PZP: variants seen among roughly 807,000 people sequenced by gnomAD.
The protein encoded by PZP is pregnancy zone protein.
In PZP, 150 loss-of-function variants were observed where a neutral mutation model predicts 179.8. The observed-to-expected ratio is 0.83, with a 90% CI of 0.73 to 0.96. The LOEUF (loss-of-function observed/expected upper bound fraction) is 0.96. Among genes scored for constraint, PZP ranks in the 40% least tolerant of loss-of-function variants. The pLI is 0.00. For missense variants in PZP, 1,689 were observed against 1,764.0 expected (o/e 0.96, Z 0.76); for synonymous variants, 624 against 652.3 (o/e 0.96, Z 0.66).
intron 15 of PZP, among the ~76,000 whole-genome samples, chr12:9,177,414 C>T (rs1942461731): frequency 1.3e-5 from 2 of 152,152 alleles, no homozygotes; most frequent in African/African-American, 2.4e-5. Context: ...GCTTTGGCCG[C>T]CATGTTAATC....
At chr12:9,165,595 T>C (rs1391395212) in intron 18 of PZP, among the ~76,000 whole-genome samples, 1 of 152,198 alleles carries the variant, frequency 6.6e-6, no homozygotes, top group Non-Finnish European at 1.5e-5. Flanking sequence ...ATCCCACATG[T>C]CTGTACTTTG....
chr12:9,196,279 C>T lies in PZP; in HGVS notation c.1092+51G>A, dbSNP rs368677667. On this transcript the variant is annotated intron_variant, in intron 10 of 35. Transcript: ENST00000261336. ...GTGGGCTGCATCATTGTGTCCTGTG[C>T]TTAGGTGCAACTGGATACTTTGCTT... The T allele has an allele frequency of 4.6e-6, 6 of 1,307,138 alleles. No individual in the cohort carries two copies. In the African/African-American group the frequency reaches 8.7e-5, roughly 19 times the overall value. The allele number at this position is 1,307,138 out of a possible 1,614,324, so 81.0% of individuals were successfully genotyped here.
intron 17 of PZP, chr12:9,167,534 G>T (rs139223232): frequency 0.11 from 16,737 of 152,080 alleles, 1,061 homozygotes; most frequent in South Asian, 0.24. Flanking sequence ...GGTTCCTTCC[G>T]TTGCCCTCCC....
At chr12:9,159,669 T>C (rs1007424578) in intron 25 of PZP, among the ~76,000 whole-genome samples, 1 of 151,796 alleles carries the variant, frequency 6.6e-6, no homozygotes, top group Non-Finnish European at 1.5e-5. Flanking sequence ...GAGACCCAAG[T>C]GAGCCCATTC....
chr12:9,147,735 G>A (rs184702327), downstream of PZP, among the ~76,000 whole-genome samples: 54 of 152,160 alleles, frequency 3.5e-4, no homozygotes, highest in Middle Eastern at 0.01. Flanking sequence ...CTCCACTCTG[G>A]TATATCCACC....
chr12:9,161,130 C>G lies in PZP; in HGVS notation c.2789-14G>C. Reference sequence around the variant, plus strand: ...ACACATTAGCACCTTTAGAAACAGACAGCCCATGTTAAAGGAGGACATCTA... The same window carrying G: ...ACACATTAGCACCTTTAGAAACAGAGAGCCCATGTTAAAGGAGGACATCTA... On this transcript the variant is annotated splice_polypyrimidine_tract_variant and intron_variant, in intron 22 of 35. Transcript: ENST00000261336. 6.5e-7 allele frequency: 1 copy of G among 1,535,234 alleles called. No individual in the cohort carries two copies. Among genetic ancestry groups the G allele is most frequent in the Non-Finnish European group, 8.9e-7 (1 of 1,120,614 alleles).
chr12:9,168,717 G>C, intron 17 of PZP, 152 bp downstream of exon 17: 1 of 634,080 alleles, frequency 1.6e-6, no homozygotes, highest in Non-Finnish European at 2.7e-6. Flanking sequence ...GCTATCACCA[G>C]CTAAGTCACC....
chr12:9,144,989 T>A (rs1778054548), downstream of PZP, among the ~76,000 whole-genome samples: 1 of 152,252 alleles, frequency 6.6e-6, no homozygotes, highest in South Asian at 2.1e-4. Context: ...TCCTGCCCTG[T>A]CACCTACTCT....
chr12:9,197,074 T>C lies in PZP; in HGVS notation c.805A>G (p.Arg269Gly). 1.2e-6 allele frequency: 2 copies of C among 1,613,704 alleles called. No homozygotes were observed. The highest frequency in any genetic ancestry group is 1.7e-6 in the Non-Finnish European group (2 of 1,179,796). The change falls in exon 8 of 36, where the codon AGA (arginine) becomes GGA (glycine). Residue 269 changes from arginine (R) to glycine (G), a missense_variant. Coordinates refer to ENST00000261336, the MANE Select transcript of PZP (RefSeq NM_002864.3). Reference sequence around the variant, plus strand: ...CAATTAAGAACACGAGATAATTTTCTACACAGGCTCACAGTTGCAAGTCCT... The same window carrying C: ...CAATTAAGAACACGAGATAATTTTCCACACAGGCTCACAGTTGCAAGTCCT... ...VPGLATVSLCRKLSRVLNCDK... is the reference protein window; with the variant it reads ...VPGLATVSLCGKLSRVLNCDK...
chr12:9,157,974 G>A (rs1219036038), intron 26 of PZP, 133 bp from the exon 27 acceptor site: 27 of 773,046 alleles, frequency 3.5e-5, no homozygotes, highest in Middle Eastern at 4.6e-4. Flanking sequence ...TCTCTCTCTC[G>A]ACAGGTTCTT....
At chr12:9,175,024 A>C (rs1369542897) in intron 15 of PZP, among the ~76,000 whole-genome samples, 1 of 152,238 alleles carries the variant, frequency 6.6e-6, no homozygotes, top group Non-Finnish European at 1.5e-5. Flanking sequence ...AGCAAGAAGA[A>C]CAAAGCTGGA....
Position 9,158,530 on chromosome 12 carries a change from T to C in PZP, c.3184A>G (p.Ile1062Val). The C allele has an allele frequency of 6.2e-6, 10 of 1,614,136 alleles. No homozygotes were observed. Among genetic ancestry groups the C allele is most frequent in the Non-Finnish European group, 7.6e-6 (9 of 1,180,014 alleles). The change falls in exon 26 of 36, where the codon ATC becomes GTC. Residue 1062 changes from isoleucine (I) to valine (V), a missense_variant. By Grantham distance (29) the Ile-to-Val change is conservative (BLOSUM62 3). Coordinates refer to ENST00000261336, the MANE Select transcript of PZP (RefSeq NM_002864.3). ...LKTFAQARSY[I>V]FIDEAHITQS... ...GTAATGTGTGCTTCATCAATGAAGA[T>C]GTAGGATCGAGCCTGGGCGAAAGTC...
At position 9,196,453 on chromosome 12, in the gene PZP, A is replaced by G. The variant is rs778857213; in HGVS notation, c.983-14T>C. 6.3e-7 allele frequency: 1 copy of G among 1,594,320 alleles called. No homozygotes were observed. Among genetic ancestry groups the G allele is most frequent in the South Asian group, 1.1e-5 (1 of 90,548 alleles). Reference sequence around the variant, plus strand: ...TGACTTCCAGGTCTGAAAAATATAAAGAGTCAGTACTTTTAGAAGTTACTT... The same window carrying G: ...TGACTTCCAGGTCTGAAAAATATAAGGAGTCAGTACTTTTAGAAGTTACTT... On this transcript the variant is annotated splice_polypyrimidine_tract_variant and intron_variant, in intron 9 of 35. Coordinates refer to ENST00000261336, the MANE Select transcript of PZP (RefSeq NM_002864.3).
At chr12:9,183,899 G>C (rs1166553733) in intron 13 of PZP, among the ~76,000 whole-genome samples, 1 of 152,138 alleles carries the variant, frequency 6.6e-6, no homozygotes, top group South Asian at 2.1e-4. Flanking sequence ...CCTTAAGGCA[G>C]TGTTATGCCA....
rs781500512 is a variant in PZP at position 9,180,948 on chromosome 12, G to A, written c.1839+35C>T. On this transcript the variant is annotated intron_variant, in intron 15 of 35. Transcript: ENST00000261336. The stretch of plus-strand genomic sequence containing the variant: ...CTTCTTGATCTGAGCCTCTGGAATG[G>A]CCCTTCCTGGTCCCCAAGGCCACTG... 33 of 1,596,564 alleles carry A rather than the reference G, an allele frequency of 2.1e-5. No individual in the cohort carries two copies. The South Asian group carries it at 3.6e-4, about 18-fold the overall frequency.
intron 32 of PZP, 116 bp from the exon 33 acceptor site, chr12:9,151,788 A>G (rs1940376167): frequency 1.3e-6 from 1 of 772,712 alleles, no homozygotes; most frequent in East Asian, 2.7e-5. Context: ...GAAGAAAGCT[A>G]ATTGTTTTCA....
rs754772733 is a variant in PZP, at chr12:9,153,187, A to T, written c.3931T>A (p.Leu1311Met). The T allele has an allele frequency of 1.9e-6, 3 of 1,614,054 alleles. No homozygotes were observed. Among genetic ancestry groups the T allele is most frequent in the Admixed American group, 3.3e-5 (2 of 60,006 alleles). ...ACATATTCTCCAGGGAGCTCTGGCA[A>T]TGAGATCTGCTGCAGTAATAGGAGG... ...NNLLLLQQIS[L>M]PELPGEYVIT... The change falls in exon 30 of 36, where the codon TTG becomes ATG. Residue 1311 changes from leucine (L) to methionine (M), a missense_variant. This residue lies in a region of PZP where 746 missense variants were observed against 749.2 expected (regional missense o/e 1.00). Coordinates refer to ENST00000261336, the MANE Select transcript of PZP (RefSeq NM_002864.3).
intron 27 of PZP, 40 bp from the exon 28 acceptor site, chr12:9,157,395 T>C: frequency 1.3e-6 from 2 of 1,580,340 alleles, no homozygotes; most frequent in Non-Finnish European, 8.6e-7. Flanking sequence ...CTAGGGTGAA[T>C]AGAGGGCAGA....
In PZP at chr12:9,152,118, A is replaced by G. The variant is rs1021419981; in HGVS notation, c.4212+102T>C. On this transcript the variant is annotated intron_variant, in intron 32 of 35. Coordinates refer to ENST00000261336, the MANE Select transcript of PZP (RefSeq NM_002864.3). ...TGGGTTTGGGAAAAATATTTTTTTG[A>G]GGCAGGATGATGTTGACATGGTTTT... 2.2e-5 allele frequency: 20 copies of G among 901,890 alleles called. No individual in the cohort carries two copies. In the African/African-American group the frequency reaches 3.3e-4, roughly 15 times the overall value. 55.9% of individuals were successfully genotyped at this position (901,890 alleles called of 1,614,324 possible). A position where few individuals can be genotyped will look rare whatever the true frequency, so the allele number is the denominator to read the frequency against.
Sources: gnomAD v4.1 joint callset for allele counts (sites outside exome capture counted in the v4.1 genomes callset) on GRCh38, gnomAD v4.1.1 for gene constraint, gnomAD v4.1.1 regional missense constraint, MANE v1.5 for transcripts, NCBI Gene and HGNC (gene_info 2026-07-23, HGNC 2026-07-21) for gene names.